Variants in WAPL observed in about 807,000 individuals in gnomAD.
WAPL encodes wings apart-like protein homolog.
Under a neutral mutation model 121.0 loss-of-function variants are expected in WAPL, and 5 were observed. The observed-to-expected ratio is 0.04, with a 90% CI of 0.02 to 0.09. The LOEUF (loss-of-function observed/expected upper bound fraction) is 0.09, where lower values mean the gene tolerates loss of function less well. WAPL is among the 10% of genes least tolerant of loss of function. The pLI, the probability that WAPL is intolerant of heterozygous loss-of-function variation, is 1.00. For synonymous variants in WAPL, 480 were observed against 481.5 expected, an observed-to-expected ratio of 1.00 and a Z score of 0.04; for missense variants, 999 against 1,410.8, an observed-to-expected ratio of 0.71 and a Z score of 4.68.
At position 86,446,318 on chromosome 10, in the gene WAPL, C is replaced by T. The variant is rs1849617635; in HGVS notation, c.3246G>A (p.Val1082=). ...WQETSGEIQW[V]STEKTDGTEE... The stretch of plus-strand genomic sequence containing the variant: ...CTGTACCATCAGTCTTTTCAGTTGA[C>T]ACCCACTGTATTTCTCCACTTGTTT... Residue 1082 remains valine, a synonymous_variant, in exon 16 of 19, where the codon GTG becomes GTA. Coordinates refer to ENST00000298767, the MANE Select transcript of WAPL (RefSeq NM_015045.5). 1 of 1,614,172 alleles carries T rather than the reference C, an allele frequency of 6.2e-7. No homozygotes were observed. The highest frequency in any genetic ancestry group is 2.2e-5 in the East Asian group (1 of 44,880).
rs146827233 is a variant in WAPL at position 86,467,275 on chromosome 10, C to G, written c.2370+4G>C. ...ATCTTAGAAGGAAGGAAGAAGGAACCCACCGTTATATTTTCTAGATCAAGA... is the reference window on the plus strand; with the variant it reads ...ATCTTAGAAGGAAGGAAGAAGGAACGCACCGTTATATTTTCTAGATCAAGA... On this transcript the variant is annotated splice_donor_region_variant and intron_variant, in intron 9 of 18. Coordinates refer to ENST00000298767, the MANE Select transcript of WAPL (RefSeq NM_015045.5). 89 of 1,611,730 alleles carry G rather than the reference C, an allele frequency of 5.5e-5. No individual in the cohort carries two copies. In the East Asian group the frequency reaches 1.8e-3, roughly 32 times the overall value.
chr10:86,473,633 G>A (rs1841585229), intron 5 of WAPL, among the ~76,000 whole-genome samples: 2 of 152,174 alleles, frequency 1.3e-5, no homozygotes. Context: ...TGGGTCATGA[G>A]TAACAAGAGC....
chr10:86,502,891 G>A (rs1276573241), intron 2 of WAPL, among the ~76,000 whole-genome samples: 4 of 152,234 alleles, frequency 2.6e-5, no homozygotes, highest in Non-Finnish European at 4.4e-5. Flanking sequence ...CAGGCGTGGT[G>A]GCTCATGCCT....
intron 15 of WAPL, among the ~76,000 whole-genome samples, chr10:86,446,894 A>G (rs1444487618): frequency 6.6e-6 from 1 of 152,246 alleles, no homozygotes; most frequent in Non-Finnish European, 1.5e-5. Context: ...CCTGAAAATC[A>G]AATGCCAAGT....
chr10:86,465,105 C>T (rs1272961572), intron 9 of WAPL, among the ~76,000 whole-genome samples: 1 of 152,220 alleles, frequency 6.6e-6, no homozygotes, highest in Non-Finnish European at 1.5e-5. Flanking sequence ...CTGGCTAGCA[C>T]AAAGCATCCT....
chr10:86,449,229 G>A (rs1296963274), intron 15 of WAPL, among the ~76,000 whole-genome samples: 31 of 152,144 alleles, frequency 2.0e-4, no homozygotes, highest in Non-Finnish European at 5.9e-5. Context: ...TCAGGCCAAC[G>A]TTATCAGTAG....
intron 12 of WAPL, among the ~76,000 whole-genome samples, chr10:86,457,222 G>A (rs1281764753): frequency 6.6e-6 from 1 of 150,912 alleles, no homozygotes; most frequent in Non-Finnish European, 1.5e-5. Flanking sequence ...ATGCACAGTG[G>A]CTAATGCCTG....
intron 15 of WAPL, 59 bp from the exon 16 acceptor site, chr10:86,446,508 T>G: frequency 6.6e-7 from 1 of 1,506,094 alleles, no homozygotes; most frequent in South Asian, 1.2e-5. Flanking sequence ...TATGCATATA[T>G]GCAAATATAA....
Position 86,503,119 on chromosome 10 carries a change from C to T in WAPL, c.500-2376G>A, listed in dbSNP as rs531917112. Among the ~76,000 whole-genome samples, 6 of 152,252 alleles carry T rather than the reference C, an allele frequency of 3.9e-5. No homozygotes were observed. The South Asian group carries it at 1.2e-3, about 32-fold the overall frequency. On this transcript the variant is annotated intron_variant, in intron 2 of 18. Coordinates refer to ENST00000298767, the MANE Select transcript of WAPL (RefSeq NM_015045.5). ...GTTGCAGTGAGCCAAGATCATGTCA[C>T]TGTACTCCAACCTGGGCAAAAGAGC...
At chr10:86,517,048 C>CA (rs1004314078) in intron 2 of WAPL, among the ~76,000 whole-genome samples, 66 of 147,098 alleles carry the variant, frequency 4.5e-4, no homozygotes, top group South Asian at 1.7e-3. Context: ...GACTCCTTCT[C>CA]AAAAAAAAAA....
intron 4 of WAPL, among the ~76,000 whole-genome samples, chr10:86,475,138 C>T (rs751057289): frequency 3.9e-4 from 60 of 152,138 alleles, no homozygotes; most frequent in Non-Finnish European, 7.1e-4. Context: ...CACTGAATTT[C>T]CGAATTGAGA....
At position 86,517,843 on chromosome 10, in the gene WAPL, T is replaced by C. The variant is rs1225819596; in HGVS notation, c.227A>G (p.Asp76Gly). The change falls in exon 2 of 19, where the codon GAT becomes GGT. Residue 76 changes from aspartate to glycine, a missense_variant. Physicochemically the swap from Asp to Gly is moderately conservative, Grantham distance 94. Around this residue, in one of 7 missense-constraint regions of WAPL, gnomAD observed 531 missense variants for 563.1 expected, o/e 0.94. Coordinates refer to ENST00000298767, the MANE Select transcript of WAPL (RefSeq NM_015045.5). The stretch of plus-strand genomic sequence containing the variant: ...AACTGGTAGAGACTCATCATCACTA[T>C]CAAATCCAAAAGGATCTCCAGTACT... The part of the protein sequence containing the change: ...EESTGDPFGF[D>G]SDDESLPVSS... The C allele has an allele frequency of 1.2e-6, 2 of 1,614,228 alleles. No homozygotes were observed. The highest frequency in any genetic ancestry group is 1.7e-6 in the Non-Finnish European group (2 of 1,180,032).
intron 12 of WAPL, 83 bp from the exon 13 acceptor site, chr10:86,453,914 T>A (rs1589498702): frequency 8.4e-7 from 1 of 1,187,244 alleles, no homozygotes; most frequent in Non-Finnish European, 1.1e-6. Flanking sequence ...ACCTAAAGGC[T>A]ATCGGATGAA....
In WAPL at chr10:86,459,061, G is replaced by A. The variant is rs771003644; in HGVS notation, c.2585C>T (p.Thr862Ile). 2.5e-6 allele frequency: 4 copies of A among 1,603,622 alleles called. No homozygotes were observed. The highest frequency in any genetic ancestry group is 1.7e-6 in the Non-Finnish European group (2 of 1,175,628). ...GCTTTGATTTTCGGGATTATGCACA[G>A]TTACCTAAAAAGGAAGAATATGAAA... ...ERCLRVLESV[T>I]VHNPENQSYL... Residue 862 changes from threonine to isoleucine, a missense_variant, in exon 12 of 19, where the codon ACT becomes ATT. Physicochemically the swap from Thr to Ile is moderately conservative, Grantham distance 89 (BLOSUM62 -1). Transcript: ENST00000298767.
intron 2 of WAPL, among the ~76,000 whole-genome samples, chr10:86,515,850 T>G (rs1487211292): frequency 6.8e-6 from 1 of 147,622 alleles, no homozygotes; most frequent in South Asian, 2.1e-4. Flanking sequence ...AAACAGTTTT[T>G]ATGCTGTCTA....
intron 2 of WAPL, among the ~76,000 whole-genome samples, chr10:86,507,167 A>G (rs1842368135): frequency 6.6e-6 from 1 of 151,756 alleles, no homozygotes; most frequent in African/African-American, 2.4e-5. Flanking sequence ...CAGGAGTCCA[A>G]GACCACCCTG....
intron 1 of WAPL, among the ~76,000 whole-genome samples, chr10:86,521,093 G>A (rs562344046): frequency 6.6e-6 from 1 of 152,342 alleles, no homozygotes; most frequent in Non-Finnish European, 1.5e-5. Flanking sequence ...GCGGCCAGAG[G>A]CGGATGAAAC....
At chr10:86,509,283 C>A (rs1164214436) in intron 2 of WAPL, among the ~76,000 whole-genome samples, 1 of 152,090 alleles carries the variant, frequency 6.6e-6, no homozygotes, top group Non-Finnish European at 1.5e-5. Context: ...CAAAATGTTC[C>A]CTATCTCAGT....
At chr10:86,493,677 G>C (rs1351906992) in intron 4 of WAPL, among the ~76,000 whole-genome samples, 1 of 145,958 alleles carries the variant, frequency 6.9e-6, no homozygotes, top group Non-Finnish European at 1.5e-5. Flanking sequence ...CTACAACCAA[G>C]CCACCATGCC....
Sources: allele counts gnomAD v4.1 joint callset (sites outside exome capture counted in the v4.1 genomes callset), GRCh38; gene constraint gnomAD v4.1.1; regional missense constraint gnomAD v4.1.1; transcripts MANE v1.5; gene names NCBI Gene and HGNC (gene_info 2026-07-23, HGNC 2026-07-21).